The following SNX14 variants were observed in gnomAD, a reference collection of about 807,000 sequenced individuals.
SNX14 encodes the protein sorting nexin 14.
A neutral mutation model predicts 133.8 loss-of-function variants in SNX14; 93 were observed. The ratio of observed to expected loss-of-function variants is 0.70; its 90% CI spans 0.59 to 0.83. The LOEUF is 0.83. SNX14 is among the 40% of genes least tolerant of loss of function. The pLI is 0.00. For missense variants in SNX14, 945 were observed against 1,094.9 expected, an observed-to-expected ratio of 0.86 and a Z score of 1.93; for synonymous variants, 368 against 365.6, an observed-to-expected ratio of 1.01 and a Z score of -0.07.
chr6:85,520,363 CTT>C (rs72488681), intron 21 of SNX14, among the ~76,000 whole-genome samples: 8 of 135,624 alleles, frequency 5.9e-5, no homozygotes, highest in Admixed American at 2.2e-4. Flanking sequence ...TATTTTTTAC[CTT>C]TTTTTTTTTT....
intron 23 of SNX14, among the ~76,000 whole-genome samples, chr6:85,514,991 G>A (rs1272983437): frequency 5.3e-5 from 8 of 152,042 alleles, no homozygotes; most frequent in South Asian, 2.1e-4. Flanking sequence ...TAGGCCAGGC[G>A]CAGTGGCTCA....
At chr6:85,509,625 C>T (rs1348311633) in intron 26 of SNX14, among the ~76,000 whole-genome samples, 1 of 152,102 alleles carries the variant, frequency 6.6e-6, no homozygotes, top group Non-Finnish European at 1.5e-5. Flanking sequence ...TATCAACATC[C>T]CCAACAAGAG....
At position 85,552,400 on chromosome 6, in the gene SNX14, A is replaced by G. The variant is rs1582868859; in HGVS notation, c.635-2521T>C. On this transcript the variant is annotated intron_variant, in intron 7 of 28. Transcript: ENST00000314673. ...TGCAAGCATATTCATACACAAAAAA[A>G]GGCATTATATGCATTGCAACAGTGT... is the stretch of plus-strand genomic sequence containing the variant. 8.5e-5 allele frequency among the ~76,000 whole-genome samples: 13 copies of G among 152,306 alleles called. No individual in the cohort carries two copies. The South Asian group carries it at 2.7e-3, about 32-fold the overall frequency.
At chr6:85,585,246 G>A (rs1276138472) in intron 1 of SNX14, among the ~76,000 whole-genome samples, 1 of 152,092 alleles carries the variant, frequency 6.6e-6, no homozygotes, top group African/African-American at 2.4e-5. Flanking sequence ...GGGAGTGGGG[G>A]ACTGGGGGAG....
chr6:85,585,503 A>T (rs1800534922), intron 1 of SNX14, among the ~76,000 whole-genome samples: 1 of 152,212 alleles, frequency 6.6e-6, no homozygotes, highest in Non-Finnish European at 1.5e-5. Context: ...AATAGTCAAG[A>T]GCAGAAATCA....
chr6:85,531,166 A>C (rs1184525196), intron 18 of SNX14, among the ~76,000 whole-genome samples: 1 of 152,216 alleles, frequency 6.6e-6, no homozygotes, highest in Non-Finnish European at 1.5e-5. Flanking sequence ...TAAATTGGGC[A>C]GCACATAGTA....
At chr6:85,571,137 G>A (rs1046375682) in intron 4 of SNX14, among the ~76,000 whole-genome samples, 1 of 151,980 alleles carries the variant, frequency 6.6e-6, no homozygotes, top group African/African-American at 2.4e-5. Flanking sequence ...TGGATCACGA[G>A]GTCAGGAGAT....
At position 85,543,722 on chromosome 6, in the gene SNX14, T is replaced by C. The variant is rs747011090; in HGVS notation, c.1147A>G (p.Asn383Asp). ...TCATGAAGAGACAGCATTTCATCAT[T>C]TGATAATTCTGGTCGTAAAATTCTA... ...NDRILRPELS[N>D]DEMLSLHEEL... The change falls in exon 13 of 29, where the codon AAT becomes GAT. Residue 383 changes from asparagine (N) to aspartate (D), a missense_variant. By Grantham distance (23) the Asn-to-Asp change is conservative (BLOSUM62 1). This residue lies in a region of SNX14 where 514 missense variants were observed against 538.8 expected (regional missense o/e 0.95). Transcript: ENST00000314673. 1 of 1,572,952 alleles carries C rather than the reference T, an allele frequency of 6.4e-7. No individual in the cohort carries two copies.
At chr6:85,574,784 C>G (rs1324503193) in intron 1 of SNX14, among the ~76,000 whole-genome samples, 1 of 151,958 alleles carries the variant, frequency 6.6e-6, no homozygotes, top group Admixed American at 6.6e-5. Flanking sequence ...CAGTGAGGAA[C>G]TGCACTGCAT....
chr6:85,569,756 A>G (rs1415844431), intron 4 of SNX14, among the ~76,000 whole-genome samples: 1 of 152,260 alleles, frequency 6.6e-6, no homozygotes, highest in Non-Finnish European at 1.5e-5. Flanking sequence ...TAAAATTATC[A>G]ATAATAGTAC....
Position 85,565,354 on chromosome 6 carries a change from A to G in SNX14, c.527T>C (p.Val176Ala). 6.2e-7 allele frequency: 1 copy of G among 1,601,102 alleles called. No homozygotes were observed. Among genetic ancestry groups the G allele is most frequent in the South Asian group, 1.1e-5 (1 of 89,256 alleles). Reference sequence around the variant, plus strand: ...TACCTTGTGAATCCTTCTTATTAAGACAGATGCAAAAAAACGTAATGTTAT... The same window carrying G: ...TACCTTGTGAATCCTTCTTATTAAGGCAGATGCAAAAAAACGTAATGTTAT... ...LRITLRFFAS[V>A]LIRRIHKVDI... Residue 176 changes from valine to alanine, a missense_variant, in exon 6 of 29, where the codon GTC becomes GCC. Transcript: ENST00000314673.
rs1288469294 is a variant in SNX14, at chr6:85,543,244, A to G, written c.1327T>C (p.Tyr443His). The change falls in exon 14 of 29, where the codon TAT becomes CAT. Residue 443 changes from tyrosine to histidine, a missense_variant. Physicochemically the swap from Tyr to His is moderately conservative, Grantham distance 83 (BLOSUM62 2). This residue lies in a region of SNX14 where 514 missense variants were observed against 538.8 expected (regional missense o/e 0.95). Transcript: ENST00000314673. ...LQTMRCLFEA[Y>H]EHVLSLLENV... Reference sequence around the variant, plus strand: ...TCCAAAAGGGAAAGAACATGTTCATATGCTTCAAAAAGACATCTCATAGTT... The same window carrying G: ...TCCAAAAGGGAAAGAACATGTTCATGTGCTTCAAAAAGACATCTCATAGTT... 6.2e-7 allele frequency: 1 copy of G among 1,604,360 alleles called. No individual in the cohort carries two copies. The highest frequency in any genetic ancestry group is 2.3e-5 in the East Asian group (1 of 44,426).
At chr6:85,552,759 G>A (rs965537385) in intron 7 of SNX14, among the ~76,000 whole-genome samples, 5 of 152,148 alleles carry the variant, frequency 3.3e-5, no homozygotes, top group African/African-American at 9.7e-5. Flanking sequence ...GAGGAATTGA[G>A]GACTGAACTC....
chr6:85,572,044 G>A (rs552838357), intron 4 of SNX14, 93 bp downstream of exon 4: 2 of 1,005,420 alleles, frequency 2.0e-6, no homozygotes, highest in Admixed American at 4.6e-5. Context: ...GTATTAAGAT[G>A]CTCCATGATT....
Position 85,514,062 on chromosome 6 carries a change from A to T in SNX14, c.2557+8T>A. The T allele has an allele frequency of 1.3e-6, 2 of 1,599,356 alleles. No homozygotes were observed. The highest frequency in any genetic ancestry group is 1.7e-6 in the Non-Finnish European group (2 of 1,175,672). ...AAATATGAAACAAACACATTAGAAAATACAAACCTCTGAGAAGTGTTATGA... is the reference window on the plus strand; with the variant it reads ...AAATATGAAACAAACACATTAGAAATTACAAACCTCTGAGAAGTGTTATGA... On this transcript the variant is annotated splice_region_variant and intron_variant, in intron 25 of 28. Coordinates refer to ENST00000314673, the MANE Select transcript of SNX14 (RefSeq NM_153816.6).
chr6:85,551,385 A>G (rs1787789637), intron 7 of SNX14, among the ~76,000 whole-genome samples: 1 of 152,196 alleles, frequency 6.6e-6, no homozygotes, highest in African/African-American at 2.4e-5. Context: ...CCATTTAAAG[A>G]AACATCTGTC....
intron 2 of SNX14, 129 bp from the exon 3 acceptor site, chr6:85,572,503 A>C (rs920098372): frequency 1.4e-6 from 1 of 698,700 alleles, no homozygotes; most frequent in Admixed American, 3.0e-5. Flanking sequence ...GTCTACTTTA[A>C]CAGTGAAATC....
rs542173371 is a variant in SNX14 at position 85,553,220 on chromosome 6, T to C, written c.635-3341A>G. 3.3e-5 allele frequency among the ~76,000 whole-genome samples: 5 copies of C among 152,192 alleles called. No individual in the cohort carries two copies. The South Asian group carries it at 8.3e-4, about 25-fold the overall frequency. On this transcript the variant is annotated intron_variant, in intron 7 of 28. Transcript: ENST00000314673. ...AGACCCGAGTTCAGTTTGGCAACAG[T>C]ACTAAGAAGGTAAATCAAGGCTATC...
chr6:85,561,962 G>A (rs1441769339), intron 6 of SNX14, among the ~76,000 whole-genome samples: 1 of 151,920 alleles, frequency 6.6e-6, no homozygotes, highest in East Asian at 1.9e-4. Context: ...AATGAGCACA[G>A]TACCCATAAG....
Sources: gnomAD v4.1 joint callset for allele counts (sites outside exome capture counted in the v4.1 genomes callset) on GRCh38, gnomAD v4.1.1 for gene constraint, gnomAD v4.1.1 regional missense constraint, MANE v1.5 for transcripts, NCBI Gene and HGNC (gene_info 2026-07-23, HGNC 2026-07-21) for gene names.